Variants in PARD6B observed in about 807,000 individuals in gnomAD.
The protein encoded by PARD6B is par-6 family cell polarity regulator beta.
Under a neutral mutation model 10.5 loss-of-function variants are expected in PARD6B, and 4 were observed. The ratio of observed to expected loss-of-function variants is 0.38; its 90% CI spans 0.19 to 0.87. The LOEUF is 0.87. PARD6B is among the 40% of genes least tolerant of loss of function. PARD6B has a pLI of 0.41. For synonymous variants in PARD6B, 169 were observed against 170.4 expected, an observed-to-expected ratio of 0.99 and a Z score of 0.07; for missense variants, 396 against 470.6, an observed-to-expected ratio of 0.84 and a Z score of 1.47.
In PARD6B at chr20:50,753,295, A is replaced by G. The variant is rs571428756; in HGVS notation, c.*2807A>G. The stretch of plus-strand genomic sequence containing the variant: ...TCTCTGTTTCTTAAATTATTGGTGA[A>G]ATAATTGATTACTAGATATATTGTA... On this transcript the variant is annotated 3_prime_UTR_variant, in exon 3 of 3. Coordinates refer to ENST00000371610, the MANE Select transcript of PARD6B (RefSeq NM_032521.3). The G allele has an allele frequency of 1.0e-6, 1 of 983,954 alleles. No homozygotes were observed. The highest frequency in any genetic ancestry group is 1.2e-6 in the Non-Finnish European group (1 of 828,234). The allele number at this position is 983,954 out of a possible 1,614,324, so 61.0% of individuals were successfully genotyped here.
chr20:50,736,544 C>T (rs563885393), intron 1 of PARD6B, among the ~76,000 whole-genome samples: 4 of 152,252 alleles, frequency 2.6e-5, no homozygotes, highest in South Asian at 2.1e-4. Context: ...AATTATGTAG[C>T]GTTTCTCAAA....
Position 50,752,979 on chromosome 20 carries a change from T to A in PARD6B, c.*2491T>A, listed in dbSNP as rs2087622399. On this transcript the variant is annotated 3_prime_UTR_variant, in exon 3 of 3. Coordinates refer to ENST00000371610, the MANE Select transcript of PARD6B (RefSeq NM_032521.3). ...CAAATTTGACTCTTGAATGGCAAAA[T>A]AATGTTAGTATGTAGAAGGTTAACT... 1.0e-6 allele frequency: 1 copy of A among 984,068 alleles called. No individual in the cohort carries two copies. Among genetic ancestry groups the A allele is most frequent in the African/African-American group, 1.8e-5 (1 of 57,138 alleles). The allele number at this position is 984,068 out of a possible 1,614,324, so 61.0% of individuals were successfully genotyped here. A position where few individuals can be genotyped will look rare whatever the true frequency, so the allele number is the denominator to read the frequency against.
chr20:50,751,313 G>A lies in PARD6B; in HGVS notation c.*825G>A. On this transcript the variant is annotated 3_prime_UTR_variant, in exon 3 of 3. Transcript: ENST00000371610. ...TTTCTAATAAATTGTAACAAATGAT[G>A]TTCTCAAGTACATTTCCAGTTTCTT... 1.1e-6 allele frequency: 1 copy of A among 880,980 alleles called. No individual in the cohort carries two copies. Among genetic ancestry groups the A allele is most frequent in the South Asian group, 5.4e-5 (1 of 18,620 alleles). The allele number at this position is 880,980 out of a possible 1,614,324, so 54.6% of individuals were successfully genotyped here.
chr20:50,735,848 T>G (rs933967166), intron 1 of PARD6B, among the ~76,000 whole-genome samples: 4 of 152,244 alleles, frequency 2.6e-5, no homozygotes, highest in African/African-American at 7.2e-5. Context: ...TTATTCCCAT[T>G]CATACATCAG....
chr20:50,749,204 C>T (rs45601831), intron 2 of PARD6B, among the ~76,000 whole-genome samples: 8,031 of 151,994 alleles, frequency 0.053, 302 homozygotes, highest in Non-Finnish European at 0.07. Context: ...TTAGCCAGGC[C>T]TGGTGGCACA....
rs538058226 is a variant in PARD6B at position 50,750,621 on chromosome 20, T to C, written c.*133T>C. On this transcript the variant is annotated 3_prime_UTR_variant, in exon 3 of 3. Transcript: ENST00000371610. The stretch of plus-strand genomic sequence containing the variant: ...CGAGTAACGTTGCAAGCTTACAATA[T>C]TATTAAAGTAGTAGTTTGATAATTG... 53 of 1,423,510 alleles carry C rather than the reference T, an allele frequency of 3.7e-5. 1 individual carries two copies. The Admixed American group carries it at 1.4e-3, about 38-fold the overall frequency. The allele number at this position is 1,423,510 out of a possible 1,614,324, so 88.2% of individuals were successfully genotyped here.
At chr20:50,747,453 T>G (rs975611151) in intron 2 of PARD6B, among the ~76,000 whole-genome samples, 2 of 150,878 alleles carry the variant, frequency 1.3e-5, no homozygotes, top group African/African-American at 4.9e-5. Flanking sequence ...TTTTTTGTTG[T>G]TGTCTTTTCT....
At position 50,751,561 on chromosome 20, in the gene PARD6B, A is replaced by G; in HGVS notation, c.*1073A>G. 3 of 909,322 alleles carry G rather than the reference A, an allele frequency of 3.3e-6. No homozygotes were observed. The highest frequency in any genetic ancestry group is 3.9e-6 in the Non-Finnish European group (3 of 761,656). 56.3% of individuals were successfully genotyped at this position (909,322 alleles called of 1,614,324 possible). A position where few individuals can be genotyped will look rare whatever the true frequency, so the allele number is the denominator to read the frequency against. ...CGGGGTTTCGCAGTGTTAGCCAGGAAGGTCTCAATCTCCTGACCTCCTGAT... is the reference window on the plus strand; with the variant it reads ...CGGGGTTTCGCAGTGTTAGCCAGGAGGGTCTCAATCTCCTGACCTCCTGAT... On this transcript the variant is annotated 3_prime_UTR_variant, in exon 3 of 3. Coordinates refer to ENST00000371610, the MANE Select transcript of PARD6B (RefSeq NM_032521.3).
intron 2 of PARD6B, 93 bp downstream of exon 2, chr20:50,738,172 G>A: frequency 1.2e-6 from 1 of 831,728 alleles, no homozygotes. Context: ...CAAACTTAGT[G>A]AATAAACATT....
At position 50,751,956 on chromosome 20, in the gene PARD6B, C is replaced by T. The variant is rs1247251328; in HGVS notation, c.*1468C>T. ...TGACCTCAAGTGATCCGCCCATCTC[C>T]TCCCAAAGTGCTGGATTGCAGGCAT... is the stretch of plus-strand genomic sequence containing the variant. On this transcript the variant is annotated 3_prime_UTR_variant, in exon 3 of 3. Transcript: ENST00000371610. 3.1e-6 allele frequency: 3 copies of T among 982,376 alleles called. No homozygotes were observed. The highest frequency in any genetic ancestry group is 2.4e-6 in the Non-Finnish European group (2 of 827,308). The allele number at this position is 982,376 out of a possible 1,614,324, so 60.9% of individuals were successfully genotyped here. A position where few individuals can be genotyped will look rare whatever the true frequency, so the allele number is the denominator to read the frequency against.
chr20:50,738,181 T>C (rs2087510613), intron 2 of PARD6B, 102 bp downstream of exon 2: 3 of 759,706 alleles, frequency 3.9e-6, no homozygotes, highest in Admixed American at 6.9e-5. Flanking sequence ...TGAATAAACA[T>C]TTTGTGTGAA....
chr20:50,734,976 C>T (rs560145628), intron 1 of PARD6B, among the ~76,000 whole-genome samples: 9 of 152,184 alleles, frequency 5.9e-5, no homozygotes, highest in Admixed American at 4.6e-4. Flanking sequence ...ACGGTGAAAC[C>T]CTGTATCTAC....
intron 1 of PARD6B, among the ~76,000 whole-genome samples, chr20:50,735,364 TG>T (rs1241210326): frequency 1.3e-5 from 2 of 152,212 alleles, no homozygotes; most frequent in Non-Finnish European, 2.9e-5. Flanking sequence ...ATAATCTTGA[TG>T]ATGTCCTTTA....
Position 50,737,530 on chromosome 20 carries a change from G to A in PARD6B, c.67-327G>A, listed in dbSNP as rs200715111. On this transcript the variant is annotated intron_variant, in intron 1 of 2. Coordinates refer to ENST00000371610, the MANE Select transcript of PARD6B (RefSeq NM_032521.3). ...TGATGCACCTGAGGAGAGCATTGCC[G>A]TCAGAGTCTGGGCTCCAGACAGGGT... Among the ~76,000 whole-genome samples the A allele has an allele frequency of 4.6e-5, 7 of 152,216 alleles. No homozygotes were observed. In the South Asian group the frequency reaches 1.0e-3, roughly 23 times the overall value.
rs752297069 is a variant in PARD6B, at chr20:50,731,792, C to T, written c.6C>T (p.Asn2=). Reference sequence around the variant, plus strand: ...CGCGGGGCTCGGCGTTCAGCATGAACCGCAGCCACCGGCACGGGGCGGGCA... The same window carrying T: ...CGCGGGGCTCGGCGTTCAGCATGAATCGCAGCCACCGGCACGGGGCGGGCA... The part of the protein sequence containing the change: M[N]RSHRHGAGSG... The change falls in exon 1 of 3, where the codon AAC becomes AAT. Residue 2 remains asparagine (N), a synonymous_variant. Coordinates refer to ENST00000371610, the MANE Select transcript of PARD6B (RefSeq NM_032521.3). The T allele has an allele frequency of 5.5e-6, 8 of 1,462,760 alleles. No individual in the cohort carries two copies. In the African/African-American group the frequency reaches 8.8e-5, roughly 16 times the overall value. 90.6% of individuals were successfully genotyped at this position (1,462,760 alleles called of 1,614,324 possible).
Position 50,752,734 on chromosome 20 carries a change from A to G in PARD6B, c.*2246A>G, listed in dbSNP as rs970022998. On this transcript the variant is annotated 3_prime_UTR_variant, in exon 3 of 3. Transcript: ENST00000371610. ...CCGCTTTGAAGGATGTTTTCTCTAT[A>G]TGGTAAAATATATATGAAGAAGTCT... The G allele has an allele frequency of 1.1e-5, 11 of 981,610 alleles. No individual in the cohort carries two copies. The highest frequency in any genetic ancestry group is 7.0e-5 in the African/African-American group (4 of 57,118). The allele number at this position is 981,610 out of a possible 1,614,324, so 60.8% of individuals were successfully genotyped here. A position where few individuals can be genotyped will look rare whatever the true frequency, so the allele number is the denominator to read the frequency against.
chr20:50,747,689 A>G (rs567950146), intron 2 of PARD6B, among the ~76,000 whole-genome samples: 1 of 151,710 alleles, frequency 6.6e-6, no homozygotes, highest in South Asian at 2.1e-4. Context: ...TCTCTGATGA[A>G]ATGTTTTGTT....
In PARD6B at chr20:50,731,715, C is replaced by A. The variant is rs1483735882; in HGVS notation, c.-72C>A. 2.3e-6 allele frequency: 3 copies of A among 1,318,018 alleles called. No homozygotes were observed. Among genetic ancestry groups the A allele is most frequent in the South Asian group, 1.7e-5 (1 of 59,090 alleles). 81.6% of individuals were successfully genotyped at this position (1,318,018 alleles called of 1,614,324 possible). On this transcript the variant is annotated 5_prime_UTR_variant, in exon 1 of 3. Transcript: ENST00000371610. ...GCAACCGCTTTCCGAGATCCCCAGT[C>A]GCGCACTCGCTCCCCGCGCTCCTGA...
At chr20:50,736,037 T>C (rs974984693) in intron 1 of PARD6B, among the ~76,000 whole-genome samples, 2 of 152,240 alleles carry the variant, frequency 1.3e-5, no homozygotes, top group African/African-American at 4.8e-5. Flanking sequence ...ACTAAACTTT[T>C]TGAGAGCCTT....
Sources: gnomAD v4.1 joint callset for allele counts (sites outside exome capture counted in the v4.1 genomes callset) on GRCh38, gnomAD v4.1.1 for gene constraint, MANE v1.5 for transcripts, NCBI Gene and HGNC (gene_info 2026-07-23, HGNC 2026-07-21) for gene names.